COL4A4: variants seen among roughly 807,000 people sequenced by gnomAD.
COL4A4 encodes the protein collagen alpha-4(IV) chain.
COL4A4 carries 105 observed loss-of-function variants against 192.9 expected under a neutral mutation model. The ratio of observed to expected loss-of-function variants is 0.54; its 90% CI spans 0.46 to 0.64. The LOEUF is 0.64. COL4A4 is among the 30% of genes least tolerant of loss of function. The pLI is 0.00. For synonymous variants in COL4A4, 762 were observed against 769.9 expected (o/e 0.99, Z 0.17); for missense variants, 1,967 against 2,169.3 (o/e 0.91, Z 1.85).
Position 227,062,465 on chromosome 2 carries a change from T to C in COL4A4, c.2056+65A>G, listed in dbSNP as rs1368735706. ...TGAGGATTCACTCTTGGTTTATCTG[T>C]CTGGCTGGTTTTTTTTTTTTTACTC... is the stretch of plus-strand genomic sequence containing the variant. On this transcript the variant is annotated intron_variant, in intron 26 of 47. Coordinates refer to ENST00000396625, the MANE Select transcript of COL4A4 (RefSeq NM_000092.5). 15 of 1,019,070 alleles carry C rather than the reference T, an allele frequency of 1.5e-5. No individual in the cohort carries two copies. The African/African-American group carries it at 2.0e-4, about 14-fold the overall frequency. 63.1% of individuals were successfully genotyped at this position (1,019,070 alleles called of 1,614,324 possible). A position where few individuals can be genotyped will look rare whatever the true frequency, so the allele number is the denominator to read the frequency against.
chr2:227,144,721 C>T (rs1052051478), intron 2 of COL4A4, among the ~76,000 whole-genome samples, 163 bp from the exon 3 acceptor site: 1 of 152,260 alleles, frequency 6.6e-6, no homozygotes, highest in Admixed American at 6.5e-5. Context: ...GCTTTCCTCT[C>T]TCTGGCTGCC....
chr2:226,995,361 T>A, the COL4A4 span: 1 of 931,992 alleles, frequency 1.1e-6, no homozygotes, highest in Non-Finnish European at 1.7e-6. Context: ...TTTGTTCCCT[T>A]GGAATCCTAG....
chr2:227,002,486 TAC>T (rs1190530814), downstream of COL4A4, among the ~76,000 whole-genome samples: 1 of 152,234 alleles, frequency 6.6e-6, no homozygotes, highest in Non-Finnish European at 1.5e-5. Context: ...GTGGGGTTGA[TAC>T]AGACCTTCCC....
At chr2:227,012,123 T>C in intron 45 of COL4A4, 58 bp downstream of exon 45, 1 of 1,379,724 alleles carries the variant, frequency 7.2e-7, no homozygotes, top group Non-Finnish European at 1.0e-6. Flanking sequence ...ATCAGAGATT[T>C]TGTATACAAC....
intron 12 of COL4A4, chr2:227,104,253 T>G: frequency 1.7e-6 from 1 of 594,428 alleles, no homozygotes; most frequent in Non-Finnish European, 3.0e-6. Flanking sequence ...AAAATAAATT[T>G]AAAAAATGAA....
chr2:227,057,573 C>T lies in COL4A4; in HGVS notation c.2411G>A (p.Gly804Asp), dbSNP rs1975767532. ...EGPAGIPGFL[G>D]LKGPKGREGH... ...CTCTCTGCCTTTGGGACCTTTGAGA[C>T]CTAGGAATCCAGGAATGCCAGCTGG... The change falls in exon 29 of 48, where the codon GGT (glycine) becomes GAT (aspartate). Residue 804 changes from glycine (G) to aspartate (D), a missense_variant. By Grantham distance (94) the Gly-to-Asp change is moderately conservative. Coordinates refer to ENST00000396625, the MANE Select transcript of COL4A4 (RefSeq NM_000092.5). 6.2e-7 allele frequency: 1 copy of T among 1,614,020 alleles called. No individual in the cohort carries two copies. The highest frequency in any genetic ancestry group is 8.5e-7 in the Non-Finnish European group (1 of 1,180,030).
the COL4A4 span, among the ~76,000 whole-genome samples, chr2:226,991,304 C>G: frequency 6.6e-6 from 1 of 152,168 alleles, no homozygotes; most frequent in African/African-American, 2.4e-5. Flanking sequence ...CCTCAGCCTC[C>G]CAAGTAGCAC....
intron 9 of COL4A4, among the ~76,000 whole-genome samples, chr2:227,110,680 C>CTTTTTT (rs34785989): frequency 1.1e-5 from 1 of 94,284 alleles, no homozygotes. Flanking sequence ...CTCACCCAGT[C>CTTTTTT]TTTTTTTTTT....
At chr2:227,136,582 C>T (rs1232755440) in intron 4 of COL4A4, among the ~76,000 whole-genome samples, 1 of 152,054 alleles carries the variant, frequency 6.6e-6, no homozygotes, top group African/African-American at 2.4e-5. Context: ...CAAAGGAGGC[C>T]CCCCTTGATT....
At chr2:227,148,899 T>C (rs2063732767) in intron 1 of COL4A4, among the ~76,000 whole-genome samples, 2 of 151,506 alleles carry the variant, frequency 1.3e-5, no homozygotes, top group South Asian at 4.2e-4. Flanking sequence ...TGGAGTGCAA[T>C]GGCGCGATCT....
At chr2:227,065,903 G>A (rs1261897076) in intron 25 of COL4A4, among the ~76,000 whole-genome samples, 1 of 152,234 alleles carries the variant, frequency 6.6e-6, no homozygotes, top group Non-Finnish European at 1.5e-5. Context: ...GAGAGAAGAA[G>A]GCTTCAGACG....
chr2:227,022,014 T>C (rs200363038), intron 44 of COL4A4, 34 bp downstream of exon 44: 361 of 1,602,200 alleles, frequency 2.3e-4, no homozygotes, highest in Admixed American at 2.8e-4. Context: ...CAATATATCA[T>C]GAAAATAATG....
At chr2:227,105,284 G>A (rs540085082) in intron 12 of COL4A4, among the ~76,000 whole-genome samples, 33 of 142,386 alleles carry the variant, frequency 2.3e-4, no homozygotes, top group South Asian at 6.8e-4. Context: ...TCTGCCTCCC[G>A]GGCTCAAGTG....
chr2:227,062,924 GATAATA>G (rs1187486627), intron 25 of COL4A4, among the ~76,000 whole-genome samples: 4 of 152,152 alleles, frequency 2.6e-5, no homozygotes, highest in African/African-American at 4.8e-5. Context: ...ATGGGTAGTA[GATAATA>G]ATAATAATGT....
intron 22 of COL4A4, among the ~76,000 whole-genome samples, chr2:227,083,833 G>A (rs1453054198): frequency 2.0e-5 from 3 of 152,142 alleles, no homozygotes; most frequent in Non-Finnish European, 4.4e-5. Context: ...TATAAGCTGA[G>A]AGCTATAGAG....
At position 227,024,362 on chromosome 2, in the gene COL4A4, A is replaced by T. The variant is rs547367088; in HGVS notation, c.4090+1440T>A. Among the ~76,000 whole-genome samples, 66 of 152,256 alleles carry T rather than the reference A, an allele frequency of 4.3e-4. 3 individuals are homozygous for T. In the South Asian group the frequency reaches 0.014, roughly 32 times the overall value. ...CCCATCTCTACTAAAATTACAAGAAATTAGCCAGGTGTGGTGGCACATGCC... is the reference window on the plus strand; with the variant it reads ...CCCATCTCTACTAAAATTACAAGAATTTAGCCAGGTGTGGTGGCACATGCC... On this transcript the variant is annotated intron_variant, in intron 43 of 47. Coordinates refer to ENST00000396625, the MANE Select transcript of COL4A4 (RefSeq NM_000092.5).
At chr2:227,103,274 C>T in intron 13 of COL4A4, 77 bp from the exon 14 acceptor site, 1 of 1,161,180 alleles carries the variant, frequency 8.6e-7, no homozygotes, top group Non-Finnish European at 1.3e-6. Context: ...CAGAAATCAT[C>T]TCTTTTTACA....
At chr2:227,153,481 C>T (rs1559756580) in intron 1 of COL4A4, among the ~76,000 whole-genome samples, 1 of 152,162 alleles carries the variant, frequency 6.6e-6, no homozygotes, top group Admixed American at 6.5e-5. Flanking sequence ...GGTTTTCTAT[C>T]ACCTGATTTT....
chr2:227,048,043 A>C (rs1241736689), intron 34 of COL4A4, among the ~76,000 whole-genome samples: 3 of 152,180 alleles, frequency 2.0e-5, no homozygotes, highest in Non-Finnish European at 4.4e-5. Flanking sequence ...CACATTCAAA[A>C]GCCACTGTAG....
Sources: gnomAD v4.1 joint callset for allele counts (sites outside exome capture counted in the v4.1 genomes callset) on GRCh38, gnomAD v4.1.1 for gene constraint, MANE v1.5 for transcripts, NCBI Gene and HGNC (gene_info 2026-07-23, HGNC 2026-07-21) for gene names.